Variants in MACROD2 observed in about 807,000 individuals in gnomAD.
MACROD2 encodes the protein mono-ADP ribosylhydrolase 2, also known as ADP-ribose glycohydrolase MACROD2.
A neutral mutation model predicts 70.4 loss-of-function variants in MACROD2; 36 were observed. The ratio of observed to expected loss-of-function variants is 0.51; its 90% confidence interval spans 0.39 to 0.68. The LOEUF is 0.68. Ranked by LOEUF, MACROD2 falls within the 30% of genes least tolerant of loss-of-function variation. The probability of loss-of-function intolerance (pLI) is 0.00; values close to 1 mark genes in which losing one functional copy is unlikely to be tolerated. For synonymous variants in MACROD2, 172 were observed against 178.8 expected, an observed-to-expected ratio of 0.96 and a Z score of 0.30; for missense variants, 496 against 538.4, an observed-to-expected ratio of 0.92 and a Z score of 0.78.
At chr20:15,456,314 A>G (rs1248722207) in intron 7 of MACROD2, among the ~76,000 whole-genome samples, 3 of 152,138 alleles carry the variant, frequency 2.0e-5, no homozygotes, top group Non-Finnish European at 4.4e-5. Flanking sequence ...CCCTGGGAGA[A>G]TCTTTCTGCA....
At position 15,884,453 on chromosome 20, in the gene MACROD2, A is replaced by G. The variant is rs1387933298; in HGVS notation, c.728-1311A>G. 2.0e-5 allele frequency among the ~76,000 whole-genome samples: 3 copies of G among 152,176 alleles called. No homozygotes were observed. The East Asian group carries it at 5.8e-4, about 30-fold the overall frequency. On this transcript the variant is annotated intron_variant, in intron 9 of 17. Transcript: ENST00000684519. ...CTGAGAAAAGTGTTTGGAACCAGGT[A>G]TCATTGGCCTTGAGTGTTATCGGGA... is the stretch of plus-strand genomic sequence containing the variant.
chr20:15,012,383 C>G (rs1253949012), intron 5 of MACROD2, among the ~76,000 whole-genome samples: 1 of 152,064 alleles, frequency 6.6e-6, no homozygotes, highest in Admixed American at 6.5e-5. Context: ...GAGCATCCAG[C>G]CCCAAGCTAC....
At position 14,273,187 on chromosome 20, in the gene MACROD2, G is replaced by A. The variant is rs188297942; in HGVS notation, c.271+187459G>A. On this transcript the variant is annotated intron_variant, in intron 3 of 17. Transcript: ENST00000684519. ...ACTCTCCACCCCAAATCAACAGAAT[G>A]TACATTTTTTTCAGCACCACACCAC... Among the ~76,000 whole-genome samples, 13 of 152,178 alleles carry A rather than the reference G, an allele frequency of 8.5e-5. No individual in the cohort carries two copies. In the East Asian group the frequency reaches 9.7e-4, roughly 11 times the overall value.
chr20:15,789,486 T>G (rs2063605727), intron 8 of MACROD2, among the ~76,000 whole-genome samples: 1 of 152,126 alleles, frequency 6.6e-6, no homozygotes, highest in East Asian at 1.9e-4. Flanking sequence ...TTGTCACCAT[T>G]TAAATAATTC....
chr20:14,388,900 T>G (rs997142716), intron 3 of MACROD2, among the ~76,000 whole-genome samples: 2 of 152,080 alleles, frequency 1.3e-5, no homozygotes, highest in Non-Finnish European at 2.9e-5. Context: ...ATTTTTGAGA[T>G]AGAGTCTCAT....
rs559343711 is a variant in MACROD2, at chr20:15,977,752, A to C, written c.986-8975A>C. On this transcript the variant is annotated intron_variant, in intron 13 of 17. Coordinates refer to ENST00000684519, the MANE Select transcript of MACROD2 (RefSeq NM_001351661.2). ...ATCTGGATGGTAATTAGGAAAATTCATGTGTATATATCTAAAGAGTCATAA... is the reference window on the plus strand; with the variant it reads ...ATCTGGATGGTAATTAGGAAAATTCCTGTGTATATATCTAAAGAGTCATAA... 2.0e-5 allele frequency among the ~76,000 whole-genome samples: 3 copies of C among 152,370 alleles called. No homozygotes were observed. The South Asian group carries it at 6.2e-4, about 32-fold the overall frequency.
At chr20:14,715,197 A>G (rs1284693535) in intron 5 of MACROD2, among the ~76,000 whole-genome samples, 1 of 152,052 alleles carries the variant, frequency 6.6e-6, no homozygotes, top group Non-Finnish European at 1.5e-5. Flanking sequence ...GCGAAGGGGG[A>G]AGCCTCTTAT....
At chr20:14,857,924 G>A (rs1600730214) in intron 5 of MACROD2, among the ~76,000 whole-genome samples, 1 of 152,028 alleles carries the variant, frequency 6.6e-6, no homozygotes, top group South Asian at 2.1e-4. Context: ...GGGTTCAAGC[G>A]ATTCTCCTGC....
chr20:14,695,808 A>T (rs903276060), intron 5 of MACROD2, among the ~76,000 whole-genome samples: 1 of 152,044 alleles, frequency 6.6e-6, no homozygotes, highest in Non-Finnish European at 1.5e-5. Flanking sequence ...ATCATGAAAG[A>T]CCCTGAGCCA....
At chr20:14,223,339 G>T (rs544544396) in intron 3 of MACROD2, 1 of 152,250 alleles carries the variant, frequency 6.6e-6, no homozygotes, top group South Asian at 2.1e-4. Flanking sequence ...TCTCAGATAT[G>T]TCTAAAAGGG....
At chr20:14,263,007 A>C (rs2082113059) in intron 3 of MACROD2, among the ~76,000 whole-genome samples, 1 of 152,204 alleles carries the variant, frequency 6.6e-6, no homozygotes, top group African/African-American at 2.4e-5. Context: ...TTTGAAGAAG[A>C]GGTCAGTAGA....
intron 3 of MACROD2, among the ~76,000 whole-genome samples, chr20:14,378,843 A>C (rs1288998297): frequency 6.6e-6 from 1 of 152,172 alleles, no homozygotes; most frequent in African/African-American, 2.4e-5. Context: ...TTCTTGTTGC[A>C]GAAGCTTTCC....
chr20:15,540,496 A>G (rs376632101), intron 8 of MACROD2, among the ~76,000 whole-genome samples: 16 of 152,290 alleles, frequency 1.1e-4, no homozygotes, highest in African/African-American at 2.4e-4. Context: ...CAAGGACAAG[A>G]CTTTGAATGT....
At chr20:14,908,123 C>T (rs1214830338) in intron 5 of MACROD2, among the ~76,000 whole-genome samples, 2 of 152,060 alleles carry the variant, frequency 1.3e-5, no homozygotes, top group African/African-American at 4.8e-5. Flanking sequence ...ACAGGCGGAT[C>T]ACCCGATGTC....
intron 5 of MACROD2, among the ~76,000 whole-genome samples, chr20:15,193,466 G>T (rs2076585016): frequency 1.3e-5 from 2 of 152,014 alleles, no homozygotes; most frequent in African/African-American, 4.8e-5. Flanking sequence ...AACATAGCAA[G>T]ACCCCATGCC....
chr20:15,582,345 G>A (rs1318469723), intron 8 of MACROD2, among the ~76,000 whole-genome samples: 1 of 152,036 alleles, frequency 6.6e-6, no homozygotes, highest in Non-Finnish European at 1.5e-5. Flanking sequence ...CCTAGTGCTT[G>A]GTCCATGACT....
intron 3 of MACROD2, among the ~76,000 whole-genome samples, chr20:14,204,395 G>C (rs936086647): frequency 6.6e-6 from 1 of 152,210 alleles, no homozygotes; most frequent in African/African-American, 2.4e-5. Context: ...TGGAGATGCA[G>C]GAGCTGTTGG....
intron 8 of MACROD2, among the ~76,000 whole-genome samples, chr20:15,746,840 C>T (rs2051191811): frequency 6.6e-6 from 1 of 151,874 alleles, no homozygotes; most frequent in Non-Finnish European, 1.5e-5. Context: ...GTTCGAGTGG[C>T]CATGAAGAAA....
chr20:15,901,943 T>C (rs542270573), intron 10 of MACROD2, among the ~76,000 whole-genome samples: 2 of 152,228 alleles, frequency 1.3e-5, no homozygotes, highest in East Asian at 1.9e-4. Context: ...GGCTGGGCTA[T>C]TCTTACTGCC....
Sources: gnomAD v4.1 joint callset for allele counts (sites outside exome capture counted in the v4.1 genomes callset) on GRCh38, gnomAD v4.1.1 for gene constraint, MANE v1.5 for transcripts, NCBI Gene and HGNC (gene_info 2026-07-23, HGNC 2026-07-21) for gene names.